SMARCA4: variants seen among roughly 807,000 people sequenced by gnomAD.
SMARCA4 encodes the protein SWI/SNF related BAF chromatin remodeling complex subunit ATPase 4, also known as SWI/SNF-related matrix-associated actin-dependent regulator of chromatin subfamily A member 4.
In SMARCA4, 31 loss-of-function variants were observed where a neutral mutation model predicts 193.9. The ratio of observed to expected loss-of-function variants is 0.16; its 90% CI spans 0.12 to 0.22. The LOEUF (loss-of-function observed/expected upper bound fraction) is 0.22. Among genes scored for constraint, SMARCA4 ranks in the 10% least tolerant of loss-of-function variants. The pLI is 1.00. For missense variants in SMARCA4, 1,148 were observed against 2,296.0 expected, an observed-to-expected ratio of 0.50 and a Z score of 10.22; for synonymous variants, 942 against 933.1, an observed-to-expected ratio of 1.01 and a Z score of -0.17.
chr19:10,986,287 G>T lies in SMARCA4; in HGVS notation c.454G>T (p.Ala152Ser). 6.2e-7 allele frequency: 1 copy of T among 1,613,822 alleles called. No individual in the cohort carries two copies. Reference protein sequence around the residue: ...GPQMSSGPGGAPLDGADPQAL... With the variant: ...GPQMSSGPGGSPLDGADPQAL... ...CCAGATGTCTTCCGGGCCAGGAGGTGCCCCGCTGGATGGTGCTGACCCCCA... is the reference window on the plus strand; with the variant it reads ...CCAGATGTCTTCCGGGCCAGGAGGTTCCCCGCTGGATGGTGCTGACCCCCA... The change falls in exon 4 of 35, where the codon GCC (alanine) becomes TCC (serine). Residue 152 changes from alanine (A) to serine (S), a missense_variant. By Grantham distance (99) the Ala-to-Ser change is moderately conservative. Around this residue, in one of 17 missense-constraint regions of SMARCA4, gnomAD observed 201 missense variants for 248.3 expected, o/e 0.81. Transcript: ENST00000344626. This position sits in a 1 kb window ranked among gnomAD's most constrained non-coding sequence, Gnocchi z 6.7.
intron 30 of SMARCA4, among the ~76,000 whole-genome samples, chr19:11,049,703 G>T (rs1353088229): frequency 6.6e-6 from 1 of 152,194 alleles, no homozygotes; most frequent in African/African-American, 2.4e-5. Flanking sequence ...GCTCAGAGAA[G>T]GGCATCTGCT....
intron 29 of SMARCA4, chr19:11,039,448 T>C: frequency 6.3e-7 from 1 of 1,576,220 alleles, no homozygotes; most frequent in East Asian, 2.3e-5. Context: ...ATTAAAAAAT[T>C]TTGTTGTAGA....
Position 10,984,114 on chromosome 19 carries a change from C to A in SMARCA4, c.-31-7C>A. 1 of 1,613,178 alleles carries A rather than the reference C, an allele frequency of 6.2e-7. No individual in the cohort carries two copies. The highest frequency in any genetic ancestry group is 8.5e-7 in the Non-Finnish European group (1 of 1,179,674). ...TGAACCCCAGACTGACCAGGACTGT[C>A]TTCCAGCAGGAGGCCACTGTCTGCA... On this transcript the variant is annotated splice_region_variant and splice_polypyrimidine_tract_variant and intron_variant, in intron 1 of 34. Transcript: ENST00000344626. The surrounding 1 kb of genome is among the most constrained non-coding windows in gnomAD (Gnocchi z 4.3).
At chr19:10,995,302 AC>A in intron 9 of SMARCA4, 1 of 568,010 alleles carries the variant, frequency 1.8e-6, no homozygotes, top group East Asian at 4.0e-5. Flanking sequence ...TGTGATCCAG[AC>A]CCCCGACCCC....
chr19:11,009,581 C>T (rs980400233), intron 14 of SMARCA4, among the ~76,000 whole-genome samples: 1 of 151,936 alleles, frequency 6.6e-6, no homozygotes, highest in African/African-American at 2.4e-5. Flanking sequence ...TGCAGTGGCT[C>T]GATCTCTTGA....
chr19:10,995,831 G>A, intron 9 of SMARCA4: 2 of 368,654 alleles, frequency 5.4e-6, no homozygotes, highest in Admixed American at 3.7e-5. Context: ...TTGGCTGTGG[G>A]GTGATGTGAT....
intron 30 of SMARCA4, among the ~76,000 whole-genome samples, chr19:11,055,168 C>T (rs2076470975): frequency 6.6e-6 from 1 of 152,036 alleles, no homozygotes; most frequent in East Asian, 1.9e-4. Flanking sequence ...AAGGGGTGCT[C>T]TTGTACCTTG....
chr19:10,973,817 G>A (rs572523453), intron 1 of SMARCA4, among the ~76,000 whole-genome samples: 29 of 152,156 alleles, frequency 1.9e-4, no homozygotes, highest in African/African-American at 6.3e-4. Flanking sequence ...TGATCCACCC[G>A]CCTTGGCCTC....
At position 10,986,869 on chromosome 19, in the gene SMARCA4, C is replaced by T. The variant is rs116338479; in HGVS notation, c.761-36C>T. ...GCTGGGCGCAGGCATAAACCTGGGA[C>T]GCACTGTTTTCTCTTTTGTTTCTCC... is the stretch of plus-strand genomic sequence containing the variant. On this transcript the variant is annotated intron_variant, in intron 4 of 34. Transcript: ENST00000344626. This position sits in a 1 kb window ranked among gnomAD's most constrained non-coding sequence, Gnocchi z 6.7. 2.5e-4 allele frequency: 378 copies of T among 1,537,884 alleles called. 1 individual carries two copies. In the African/African-American group the frequency reaches 4.0e-3, roughly 16 times the overall value.
chr19:11,017,300 G>A (rs1427284993), intron 16 of SMARCA4, among the ~76,000 whole-genome samples: 1 of 152,240 alleles, frequency 6.6e-6, no homozygotes, highest in East Asian at 1.9e-4. Context: ...CCAGTTCCTT[G>A]TGTGTTCAGA....
In SMARCA4 at chr19:10,988,722, A is replaced by T. The variant is rs962358727; in HGVS notation, c.1119-595A>T. Among the ~76,000 whole-genome samples the T allele has an allele frequency of 5.3e-5, 8 of 151,728 alleles. No individual in the cohort carries two copies. In the South Asian group the frequency reaches 8.3e-4, roughly 16 times the overall value. On this transcript the variant is annotated intron_variant, in intron 6 of 34. Transcript: ENST00000344626. ...TTGCAGTGGATATTTTATTTTTTTT[A>T]AATCTCCTTTATGGCCTGTGTTTTC...
chr19:10,980,427 G>T (rs1228549933), intron 1 of SMARCA4, among the ~76,000 whole-genome samples: 3 of 152,186 alleles, frequency 2.0e-5, no homozygotes, highest in Non-Finnish European at 2.9e-5. Context: ...CCTGGAGGCT[G>T]TGACGGCATC....
rs1599962348 is a variant in SMARCA4, at chr19:10,987,405, C to T, written c.860-261C>T. ...TAGGAGGAGATGACAGGAAATGCTG[C>T]CATAGAGCCACAGACAGAACAAAAA... On this transcript the variant is annotated intron_variant, in intron 5 of 34. Transcript: ENST00000344626. The surrounding 1 kb of genome is among the most constrained non-coding windows in gnomAD (Gnocchi z 5.3). Among the ~76,000 whole-genome samples the T allele has an allele frequency of 6.6e-6, 1 of 152,154 alleles. No individual in the cohort carries two copies. Among genetic ancestry groups the T allele is most frequent in the African/African-American group, 2.4e-5 (1 of 41,432 alleles).
chr19:10,973,300 C>CA (rs758076331), intron 1 of SMARCA4, among the ~76,000 whole-genome samples: 5 of 152,136 alleles, frequency 3.3e-5, no homozygotes, highest in Non-Finnish European at 5.9e-5. Flanking sequence ...TGCAGGCTTG[C>CA]AGTGTAGACA....
intron 11 of SMARCA4, among the ~76,000 whole-genome samples, chr19:10,997,375 T>C (rs1255755565): frequency 6.6e-6 from 1 of 151,950 alleles, no homozygotes; most frequent in Admixed American, 6.6e-5. Flanking sequence ...ATTTTTTGTG[T>C]TTTTAGTAGA....
Position 11,033,168 on chromosome 19 carries a change from G to A in SMARCA4, c.3547-122G>A, listed in dbSNP as rs1568509010. On this transcript the variant is annotated intron_variant, in intron 25 of 34. Transcript: ENST00000344626. The surrounding 1 kb of genome is among the most constrained non-coding windows in gnomAD (Gnocchi z 9.8). ...TTTTCATGCGGCGGCAGGTCAGGCTGGGCAGAATTGTCAGGCCGAGGGTGG... is the reference window on the plus strand; with the variant it reads ...TTTTCATGCGGCGGCAGGTCAGGCTAGGCAGAATTGTCAGGCCGAGGGTGG... The A allele has an allele frequency of 7.7e-6, 6 of 780,072 alleles. No homozygotes were observed. Among genetic ancestry groups the A allele is most frequent in the Non-Finnish European group, 9.0e-6 (4 of 445,990 alleles). The allele number at this position is 780,072 out of a possible 1,614,324, so 48.3% of individuals were successfully genotyped here. A position where few individuals can be genotyped will look rare whatever the true frequency, so the allele number is the denominator to read the frequency against.
At chr19:11,021,573 C>A in intron 18 of SMARCA4, 152 bp from the exon 19 acceptor site, 1 of 964,398 alleles carries the variant, frequency 1.0e-6, no homozygotes, top group Non-Finnish European at 1.6e-6. Context: ...GGTGAGTCAG[C>A]CCCGGGGCAG....
At chr19:11,037,923 C>G (rs990934080) in intron 29 of SMARCA4, among the ~76,000 whole-genome samples, 3 of 152,204 alleles carry the variant, frequency 2.0e-5, no homozygotes, top group Non-Finnish European at 2.9e-5. Flanking sequence ...ACAGTATATT[C>G]AAATTCACAG....
rs779671360 is a variant in SMARCA4, at chr19:10,987,261, G to A, written c.859+258G>A. Among the ~76,000 whole-genome samples, 1 of 152,190 alleles carries A rather than the reference G, an allele frequency of 6.6e-6. No homozygotes were observed. The highest frequency in any genetic ancestry group is 6.5e-5 in the Admixed American group (1 of 15,278). ...TATATGTAATTGCTCAGTAAGTGCT[G>A]CAGGCTCCCATCTGTTGGGCTCAAA... On this transcript the variant is annotated intron_variant, in intron 5 of 34. Coordinates refer to ENST00000344626, the MANE Select transcript of SMARCA4 (RefSeq NM_003072.5). The surrounding 1 kb of genome is among the most constrained non-coding windows in gnomAD (Gnocchi z 5.3).
Sources: gnomAD v4.1 joint callset for allele counts (sites outside exome capture counted in the v4.1 genomes callset) on GRCh38, gnomAD v4.1.1 for gene constraint, gnomAD v4.1.1 regional missense constraint, Gnocchi (gnomAD v3.1) non-coding constraint, MANE v1.5 for transcripts, NCBI Gene and HGNC (gene_info 2026-07-23, HGNC 2026-07-21) for gene names.